CDH18: variants seen among roughly 807,000 people sequenced by gnomAD.
CDH18 encodes the protein cadherin 18, also known as cadherin-18.
A neutral mutation model predicts 67.9 loss-of-function variants in CDH18; 31 were observed. The ratio of observed to expected loss-of-function variants is 0.46; its 90% CI spans 0.34 to 0.62. CDH18 has a LOEUF of 0.62. Among genes scored for constraint, CDH18 ranks in the 20% least tolerant of loss-of-function variants. The pLI, the probability that CDH18 is intolerant of heterozygous loss-of-function variation, is 0.01. For synonymous variants in CDH18, 362 were observed against 347.2 expected (o/e 1.04, Z -0.48); for missense variants, 890 against 975.5 (o/e 0.91, Z 1.17).
intron 1 of CDH18, among the ~76,000 whole-genome samples, chr5:20,291,490 G>T (rs560920763): frequency 6.6e-6 from 1 of 152,252 alleles, no homozygotes; most frequent in South Asian, 2.1e-4. Flanking sequence ...GCAATATAAA[G>T]ACCATTGCAG....
At chr5:20,509,153 T>C (rs1754857424) in intron 1 of CDH18, among the ~76,000 whole-genome samples, 1 of 152,152 alleles carries the variant, frequency 6.6e-6, no homozygotes. Context: ...TTGTTATCAA[T>C]TATAGTCCCC....
chr5:20,357,806 A>G (rs1381923302), intron 1 of CDH18, among the ~76,000 whole-genome samples: 1 of 152,230 alleles, frequency 6.6e-6, no homozygotes, highest in African/African-American at 2.4e-5. Context: ...TATATACCCA[A>G]AGGAAAATAA....
chr5:19,636,328 T>C (rs1180388436), intron 5 of CDH18, among the ~76,000 whole-genome samples: 1 of 152,074 alleles, frequency 6.6e-6, no homozygotes, highest in Non-Finnish European at 1.5e-5. Context: ...TTAACATATA[T>C]ATTACACCAC....
At chr5:20,301,804 T>TTTTTTTTTTTTTTTC in intron 1 of CDH18, among the ~76,000 whole-genome samples, 1 of 110,820 alleles carries the variant, frequency 9.0e-6, no homozygotes. Context: ...TTTTTTTTTT[T>TTTTTTTTTTTTTTTC]TTTGGCATGC....
At chr5:20,047,955 G>A (rs765865649) in intron 2 of CDH18, among the ~76,000 whole-genome samples, 7 of 151,742 alleles carry the variant, frequency 4.6e-5, no homozygotes, top group Non-Finnish European at 1.0e-4. Context: ...TTTCAGTATT[G>A]AGTGACTTCA....
rs114733142 is a variant in CDH18 at position 19,711,433 on chromosome 5, C to A, written c.643+9914G>T. Reference sequence around the variant, plus strand: ...AACAACAACAACAACAAACAAATAACCCTATTTCAAAGTGGGCAAAAGACA... The same window carrying A: ...AACAACAACAACAACAAACAAATAAACCTATTTCAAAGTGGGCAAAAGACA... On this transcript the variant is annotated intron_variant, in intron 5 of 12. Transcript: ENST00000382275. Among the ~76,000 whole-genome samples the A allele has an allele frequency of 7.6e-3, 1,157 of 151,680 alleles. 16 individuals carry two copies. The highest frequency in any genetic ancestry group is 0.026 in the African/African-American group (1,096 of 41,388).
At chr5:20,211,125 T>C (rs1419345280) in intron 2 of CDH18, among the ~76,000 whole-genome samples, 1 of 152,082 alleles carries the variant, frequency 6.6e-6, no homozygotes, top group Admixed American at 6.6e-5. Context: ...ATTATAAAAA[T>C]TATGTTTATA....
At chr5:19,622,414 T>C (rs1006869404) in intron 5 of CDH18, among the ~76,000 whole-genome samples, 1 of 152,164 alleles carries the variant, frequency 6.6e-6, no homozygotes, top group Non-Finnish European at 1.5e-5. Context: ...ATCGCTACCA[T>C]TTAGAGAAAA....
At chr5:19,934,611 C>A (rs1794041653) in intron 2 of CDH18, among the ~76,000 whole-genome samples, 1 of 151,316 alleles carries the variant, frequency 6.6e-6, no homozygotes, top group African/African-American at 2.4e-5. Flanking sequence ...TAAAAAAGAG[C>A]TTTTACATGC....
intron 2 of CDH18, among the ~76,000 whole-genome samples, chr5:19,883,049 C>G (rs1787825096): frequency 6.6e-6 from 1 of 152,040 alleles, no homozygotes; most frequent in African/African-American, 2.4e-5. Flanking sequence ...TAGTTTAACC[C>G]TGAAACAGAA....
intron 6 of CDH18, among the ~76,000 whole-genome samples, chr5:19,592,989 C>T (rs1023199215): frequency 1.7e-4 from 26 of 151,990 alleles, no homozygotes; most frequent in South Asian, 8.3e-4. Flanking sequence ...CATGTTGTTG[C>T]GTATTGCAAG....
At chr5:19,550,512 T>C (rs1737225497) in intron 8 of CDH18, among the ~76,000 whole-genome samples, 1 of 148,358 alleles carries the variant, frequency 6.7e-6, no homozygotes, top group Non-Finnish European at 1.5e-5. Flanking sequence ...GAACATGCGG[T>C]GTTTGGTTTT....
At chr5:20,464,284 A>G (rs187651490) in intron 1 of CDH18, among the ~76,000 whole-genome samples, 179 of 152,328 alleles carry the variant, frequency 1.2e-3, no homozygotes, top group Admixed American at 3.6e-3. Context: ...AGTGGTGCAC[A>G]TTAAATGTAT....
Position 19,559,858 on chromosome 5 carries a change from A to G in CDH18, c.1253+11721T>C, listed in dbSNP as rs566906751. On this transcript the variant is annotated intron_variant, in intron 8 of 12. Transcript: ENST00000382275. ...GCACAAATCAGTAGCTCTGCTATAC[A>G]CTAATAGTGACCAAGCTGAAAATCA... 1.2e-3 allele frequency among the ~76,000 whole-genome samples: 176 copies of G among 151,728 alleles called. 1 individual carries two copies. The highest frequency in any genetic ancestry group is 4.2e-3 in the African/African-American group (173 of 41,336).
chr5:20,056,450 T>A (rs2150500241), intron 2 of CDH18, among the ~76,000 whole-genome samples: 1 of 146,856 alleles, frequency 6.8e-6, no homozygotes. Flanking sequence ...TTTATTTTTT[T>A]ATTATTTTTC....
intron 1 of CDH18, among the ~76,000 whole-genome samples, chr5:20,259,740 G>A (rs886677875): frequency 9.2e-5 from 14 of 152,154 alleles, no homozygotes; most frequent in African/African-American, 2.7e-4. Context: ...ATGTTCAGCT[G>A]CACAGAGGAT....
At chr5:19,997,810 T>C (rs1432108976) in intron 2 of CDH18, among the ~76,000 whole-genome samples, 1 of 152,054 alleles carries the variant, frequency 6.6e-6, no homozygotes, top group Non-Finnish European at 1.5e-5. Flanking sequence ...AATACTATCA[T>C]AAAGGCACGC....
chr5:20,194,144 G>C (rs1738769101), intron 2 of CDH18, among the ~76,000 whole-genome samples: 1 of 151,938 alleles, frequency 6.6e-6, no homozygotes, highest in South Asian at 2.1e-4. Context: ...AAGAAATAAA[G>C]GGTATTCAAA....
intron 2 of CDH18, among the ~76,000 whole-genome samples, chr5:19,964,419 G>GAA (rs541619780): frequency 1.7e-5 from 2 of 119,864 alleles, no homozygotes. Flanking sequence ...TGTCTCTACA[G>GAA]AAAAAAAAAA....
Sources: gnomAD v4.1 joint callset for allele counts (sites outside exome capture counted in the v4.1 genomes callset) on GRCh38, gnomAD v4.1.1 for gene constraint, MANE v1.5 for transcripts, NCBI Gene and HGNC (gene_info 2026-07-23, HGNC 2026-07-21) for gene names.